The following CTC1 variants were observed in gnomAD, a reference collection of about 807,000 sequenced individuals.
CTC1 encodes CST complex subunit CTC1.
A neutral mutation model predicts 136.3 loss-of-function variants in CTC1; 91 were observed. That is an observed-to-expected ratio of 0.67 (90% CI 0.56 to 0.79). CTC1 has a LOEUF of 0.79. CTC1 is among the 30% of genes least tolerant of loss of function. The pLI, the probability that CTC1 is intolerant of heterozygous loss-of-function variation, is 0.00. For synonymous variants in CTC1, 606 were observed against 613.8 expected, an observed-to-expected ratio of 0.99 and a Z score of 0.19; for missense variants, 1,432 against 1,498.1, an observed-to-expected ratio of 0.96 and a Z score of 0.73.
In CTC1 at chr17:8,230,592, G is replaced by T. The variant is rs532454635; in HGVS notation, c.2729C>A (p.Pro910His). 1.9e-6 allele frequency: 3 copies of T among 1,614,090 alleles called. No individual in the cohort carries two copies. Among genetic ancestry groups the T allele is most frequent in the South Asian group, 2.2e-5 (2 of 91,082 alleles). Residue 910 changes from proline (P) to histidine (H), a missense_variant, in exon 16 of 23, where the codon CCC (proline) becomes CAC (histidine). By Grantham distance (77) the Pro-to-His change is moderately conservative. Transcript: ENST00000651323. ...TTTCATCCAGAGAGACGCCACAAGG[G>T]GTTCACATAGTGTCCGTGACAAAAT... ...AEILSRTLCE[P>H]LVASLWMKLG...
At position 8,229,421 on chromosome 17, in the gene CTC1, C is replaced by T. The variant is rs754751113; in HGVS notation, c.3037G>A (p.Ala1013Thr). Reference sequence around the variant, plus strand: ...GACTGACCACCCTGCAGAAGTTCAGCCAGGTAGATGTGGGGCAGGGGAATG... The same window carrying T: ...GACTGACCACCCTGCAGAAGTTCAGTCAGGTAGATGTGGGGCAGGGGAATG... ...ISIPLPHIYL[A>T]ELLQGGQSPF... Residue 1013 changes from alanine (A) to threonine (T), a missense_variant, in exon 19 of 23, where the codon GCT becomes ACT. Coordinates refer to ENST00000651323, the MANE Select transcript of CTC1 (RefSeq NM_025099.6). 6.2e-7 allele frequency: 1 copy of T among 1,613,760 alleles called. No individual in the cohort carries two copies. The highest frequency in any genetic ancestry group is 8.5e-7 in the Non-Finnish European group (1 of 1,179,678).
intron 15 of CTC1, 96 bp from the exon 16 acceptor site, chr17:8,230,747 G>T: frequency 9.9e-7 from 1 of 1,005,286 alleles, no homozygotes; most frequent in Non-Finnish European, 1.5e-6. Flanking sequence ...TAAAGTATCT[G>T]CTAGAACTTC....
At chr17:8,244,626 A>C (rs531275671) in intron 1 of CTC1, among the ~76,000 whole-genome samples, 4 of 152,196 alleles carry the variant, frequency 2.6e-5, no homozygotes, top group Admixed American at 2.6e-4. Context: ...TCCGGGTTCA[A>C]GTGATTCTCC....
rs74506939 is a variant in CTC1, at chr17:8,236,145, G to A, written c.990C>T (p.Asp330=). Residue 330 remains aspartate (D), a synonymous_variant, in exon 6 of 23, where the codon GAC becomes GAT. Coordinates refer to ENST00000651323, the MANE Select transcript of CTC1 (RefSeq NM_025099.6). ...TGCTGGGCATGGGGAGTGGCTTGGGGTCAGCCTCTAAGAGGGGTCCTTCCA... is the reference window on the plus strand; with the variant it reads ...TGCTGGGCATGGGGAGTGGCTTGGGATCAGCCTCTAAGAGGGGTCCTTCCA... ...LELEGPLLEA[D]PKPLPMPSNS... The A allele has an allele frequency of 0.2, 319,765 of 1,614,114 alleles. 34,632 individuals carry two copies. Among genetic ancestry groups the A allele is most frequent in the Non-Finnish European group, 0.23 (267,824 of 1,179,988 alleles).
intron 17 of CTC1, 106 bp downstream of exon 17, chr17:8,230,188 C>T: frequency 8.3e-7 from 1 of 1,210,748 alleles, no homozygotes; most frequent in Non-Finnish European, 1.2e-6. Context: ...TATATGGAAA[C>T]CTGTATGAAA....
intron 1 of CTC1, among the ~76,000 whole-genome samples, chr17:8,245,983 C>T (rs140092396): frequency 0.021 from 3,175 of 147,946 alleles, 61 homozygotes; most frequent in Admixed American, 0.058. Flanking sequence ...GTGGGAGGAT[C>T]ACCTTAGCCT....
intron 2 of CTC1, among the ~76,000 whole-genome samples, chr17:8,240,836 A>T (rs1403981500): frequency 6.6e-6 from 1 of 152,174 alleles, no homozygotes. Flanking sequence ...AGATCGCGAT[A>T]TTGCACTATA....
Position 8,231,728 on chromosome 17 carries a change from C to A in CTC1, c.2473G>T (p.Ala825Ser). 3 of 1,613,672 alleles carry A rather than the reference C, an allele frequency of 1.9e-6. No homozygotes were observed. The highest frequency in any genetic ancestry group is 2.5e-6 in the Non-Finnish European group (3 of 1,179,578). ...QVYRLIAPGPATPMLFEKDGS... is the reference protein window; with the variant it reads ...QVYRLIAPGPSTPMLFEKDGS... ...GTATGATGAAGTAGGACACTCACAG[C>A]GGGGCCAGGAGCTATGAGTCGGTAC... Residue 825 changes from alanine to serine, a missense_variant and splice_region_variant, in exon 14 of 23, where the codon GCT becomes TCT. Physicochemically the swap from Ala to Ser is moderately conservative, Grantham distance 99. Transcript: ENST00000651323.
At chr17:8,242,964 G>T (rs774551563) in intron 2 of CTC1, 21 bp downstream of exon 2, 4 of 1,592,324 alleles carry the variant, frequency 2.5e-6, no homozygotes, top group Non-Finnish European at 2.6e-6. Context: ...CCCAGCCCCC[G>T]CAACCGCCAC....
intron 1 of CTC1, among the ~76,000 whole-genome samples, chr17:8,245,134 C>T (rs913150861): frequency 1.3e-5 from 2 of 152,040 alleles, no homozygotes; most frequent in Non-Finnish European, 2.9e-5. Context: ...AAATAACAGA[C>T]ACTGGGTCCT....
intron 5 of CTC1, among the ~76,000 whole-genome samples, chr17:8,236,851 T>G (rs898045648): frequency 6.6e-6 from 1 of 152,150 alleles, no homozygotes; most frequent in Non-Finnish European, 1.5e-5. Context: ...AGATCAATGA[T>G]TTACAATTTC....
In CTC1 at chr17:8,227,264, C is replaced by T. The variant is rs935422394; in HGVS notation, c.*916G>A. 1 of 151,060 alleles carries T rather than the reference C, an allele frequency of 6.6e-6. No individual in the cohort carries two copies. Among genetic ancestry groups the T allele is most frequent in the Non-Finnish European group, 1.5e-5 (1 of 68,048 alleles). 9.4% of individuals were successfully genotyped at this position (151,060 alleles called of 1,614,324 possible). ...TCTTTCCACCTCTCCATCTATCAGT[C>T]CCCAGTAAAGAAATGCAGCAACACC... On this transcript the variant is annotated 3_prime_UTR_variant, in exon 23 of 23. Transcript: ENST00000651323.
chr17:8,234,171 G>A (rs931094166), intron 10 of CTC1, among the ~76,000 whole-genome samples: 1 of 152,048 alleles, frequency 6.6e-6, no homozygotes, highest in East Asian at 1.9e-4. Flanking sequence ...GTAGCAACAA[G>A]GTCTCTCTAC....
At chr17:8,247,609 C>T (rs527717754) in intron 1 of CTC1, 1 of 183,762 alleles carries the variant, frequency 5.4e-6, no homozygotes, top group South Asian at 8.5e-5. Flanking sequence ...ACACCCAGCC[C>T]CTTTCGGCGC....
rs764276520 is a variant in CTC1 at position 8,231,293 on chromosome 17, G to A, written c.2652C>T (p.Thr884=). The part of the protein sequence containing the change: ...ANKSLPESSL[T]DLLSDNFTDS... ...ACATTTACTTGTCACTGAGCAGGTC[G>A]GTCAGTGAGGATTCAGGCAATGACT... The change falls in exon 15 of 23, where the codon ACC becomes ACT. Residue 884 remains threonine, a synonymous_variant. Transcript: ENST00000651323. 43 of 1,579,704 alleles carry A rather than the reference G, an allele frequency of 2.7e-5. No individual in the cohort carries two copies. The highest frequency in any genetic ancestry group is 3.2e-5 in the Non-Finnish European group (37 of 1,157,104).
intron 1 of CTC1, among the ~76,000 whole-genome samples, chr17:8,247,007 T>C (rs1312009871): frequency 1.6e-5 from 2 of 124,228 alleles, no homozygotes; most frequent in African/African-American, 5.4e-5. Context: ...TTTATTTATT[T>C]ATTTGAGATG....
intron 15 of CTC1, 24 bp downstream of exon 15, chr17:8,231,252 C>A: frequency 6.7e-7 from 1 of 1,487,490 alleles, no homozygotes; most frequent in Non-Finnish European, 9.0e-7. Flanking sequence ...CCAAATTAAC[C>A]AGAGGGGCTT....
rs377386669 is a variant in CTC1 at position 8,248,011 on chromosome 17, G to T, written c.26C>A (p.Pro9His). ...CGTAATAGCAGCACTCACGGAGGAAGGGACCTGGGCCCGGCCAGCCGCCAT... is the reference window on the plus strand; with the variant it reads ...CGTAATAGCAGCACTCACGGAGGAATGGACCTGGGCCCGGCCAGCCGCCAT... MAAGRAQV[P>H]SSEQAWLEDA... The change falls in exon 1 of 23, where the codon CCT (proline) becomes CAT (histidine). Residue 9 changes from proline (P) to histidine (H), a missense_variant. By Grantham distance (77) the Pro-to-His change is moderately conservative. Coordinates refer to ENST00000651323, the MANE Select transcript of CTC1 (RefSeq NM_025099.6). 1.1e-5 allele frequency: 17 copies of T among 1,610,774 alleles called. No individual in the cohort carries two copies. The highest frequency in any genetic ancestry group is 1.4e-5 in the Non-Finnish European group (17 of 1,178,706).
chr17:8,228,450 T>C lies in CTC1; in HGVS notation c.3514+53A>G, dbSNP rs3027243. ...CCTCTTCCTCCCAGGGACCCATCTATCTCTATCACCATGATCCCCCTATCA... is the reference window on the plus strand; with the variant it reads ...CCTCTTCCTCCCAGGGACCCATCTACCTCTATCACCATGATCCCCCTATCA... On this transcript the variant is annotated intron_variant, in intron 22 of 22. Transcript: ENST00000651323. 397 of 1,613,480 alleles carry C rather than the reference T, an allele frequency of 2.5e-4. 4 individuals carry two copies. The East Asian group carries it at 4.4e-3, about 18-fold the overall frequency.
Sources: allele counts gnomAD v4.1 joint callset (sites outside exome capture counted in the v4.1 genomes callset), GRCh38; gene constraint gnomAD v4.1.1; transcripts MANE v1.5; gene names NCBI Gene and HGNC (gene_info 2026-07-23, HGNC 2026-07-21).